The following PCYOX1L variants were observed in gnomAD, a reference collection of about 807,000 sequenced individuals.
PCYOX1L encodes prenylcysteine oxidase 1 like.
A neutral mutation model predicts 44.1 loss-of-function variants in PCYOX1L; 40 were observed. That is an observed-to-expected ratio of 0.91 (90% CI 0.70 to 1.18). The LOEUF (loss-of-function observed/expected upper bound fraction) is 1.18. Ranked by LOEUF, PCYOX1L falls within the 50% of genes most tolerant of loss-of-function variation. The probability of loss-of-function intolerance (pLI) is 0.00; values close to 1 mark genes in which losing one functional copy is unlikely to be tolerated. For missense variants in PCYOX1L, 605 were observed against 653.3 expected (o/e 0.93, Z 0.81); for synonymous variants, 266 against 282.8 (o/e 0.94, Z 0.60).
chr5:149,364,715 G>A (rs1758141871), intron 3 of PCYOX1L: 1 of 154,270 alleles, frequency 6.5e-6, no homozygotes, highest in Non-Finnish European at 1.4e-5. Context: ...CATCTTGTAA[G>A]CCAAATGAAA....
At chr5:149,363,125 A>C in intron 2 of PCYOX1L, 1 of 566,860 alleles carries the variant, frequency 1.8e-6, no homozygotes, top group Admixed American at 2.2e-5. Context: ...CACCTTCCAC[A>C]TGCTAGTGCT....
chr5:149,360,587 C>T (rs751732501), intron 1 of PCYOX1L, among the ~76,000 whole-genome samples: 9 of 152,138 alleles, frequency 5.9e-5, no homozygotes, highest in African/African-American at 9.7e-5. Context: ...GACTACAGTA[C>T]GGCTAAGCAG....
rs1346037404 is a variant in PCYOX1L at position 149,369,553 on chromosome 5, AC to A, written c.*900del. 3.3e-5 allele frequency: 5 copies of A among 152,196 alleles called. No individual in the cohort carries two copies. The highest frequency in any genetic ancestry group is 1.3e-4 in the Admixed American group (2 of 15,286). 9.4% of individuals were successfully genotyped at this position (152,196 alleles called of 1,614,324 possible). A position where few individuals can be genotyped will look rare whatever the true frequency, so the allele number is the denominator to read the frequency against. On this transcript the variant is annotated 3_prime_UTR_variant, in exon 6 of 6. Coordinates refer to ENST00000274569, the MANE Select transcript of PCYOX1L (RefSeq NM_024028.4). ...TTAGCCTGGTACTTTCTCATCAGAC[AC>A]TAGCTTGAAGTAAGAGGAGAATTAT...
intron 1 of PCYOX1L, among the ~76,000 whole-genome samples, chr5:149,358,441 C>T (rs773393154): frequency 5.3e-5 from 8 of 152,208 alleles, no homozygotes; most frequent in Non-Finnish European, 1.0e-4. Flanking sequence ...TGCCATGGTC[C>T]TGGCTGTTGG....
In PCYOX1L at chr5:149,368,219, C is replaced by T; in HGVS notation, c.1050C>T (p.Asp350=). The T allele has an allele frequency of 6.2e-7, 1 of 1,614,158 alleles. No homozygotes were observed. Among genetic ancestry groups the T allele is most frequent in the Non-Finnish European group, 8.5e-7 (1 of 1,180,032 alleles). ...ACTCGTCCTACTTCGGTTTCCCAGA[C>T]CCTAAGCTTTTCCCCTTTGCCAACA... The part of the protein sequence containing the change: ...YLNSSYFGFP[D]PKLFPFANIL... Residue 350 remains aspartate (D), a synonymous_variant, in exon 6 of 6, where the codon GAC becomes GAT. Transcript: ENST00000274569.
In PCYOX1L at chr5:149,364,050, C is replaced by T. The variant is rs142255736; in HGVS notation, c.310C>T (p.Arg104Cys). The change falls in exon 3 of 6, where the codon CGC becomes TGC. Residue 104 changes from arginine to cysteine, a missense_variant. Transcript: ENST00000274569. ...TGTCTCTGCAGGGCTGAGGCACCGGCGCGAGGTGGTGGGCAGGAGCGCCAT... is the reference window on the plus strand; with the variant it reads ...TGTCTCTGCAGGGCTGAGGCACCGGTGCGAGGTGGTGGGCAGGAGCGCCAT... ...FVKLLGLRHR[R>C]EVVGRSAIFG... 6.2e-7 allele frequency: 1 copy of T among 1,613,892 alleles called. No individual in the cohort carries two copies. The highest frequency in any genetic ancestry group is 8.5e-7 in the Non-Finnish European group (1 of 1,179,872).
intron 5 of PCYOX1L, among the ~76,000 whole-genome samples, chr5:149,367,780 G>A (rs982298823): frequency 3.9e-5 from 6 of 152,132 alleles, no homozygotes; most frequent in Non-Finnish European, 8.8e-5. Context: ...ACTGGCCAGC[G>A]GCGGAAGCAG....
rs756755916 is a variant in PCYOX1L at position 149,358,117 on chromosome 5, G to A, written c.49G>A (p.Ala17Thr). Reference protein sequence around the residue: ...LLAALTALLAAAAAGGDAPPG... With the variant: ...LLAALTALLATAAAGGDAPPG... Reference sequence around the variant, plus strand: ...CGCCGCGTTGACCGCGCTCCTCGCCGCCGCCGCTGCTGGCGGAGATGCCCC... The same window carrying A: ...CGCCGCGTTGACCGCGCTCCTCGCCACCGCCGCTGCTGGCGGAGATGCCCC... The change falls in exon 1 of 6, where the codon GCC becomes ACC. Residue 17 changes from alanine (A) to threonine (T), a missense_variant. Transcript: ENST00000274569. The A allele has an allele frequency of 5.6e-5, 81 of 1,454,900 alleles. No individual in the cohort carries two copies. In the Admixed American group the frequency reaches 1.1e-3, roughly 19 times the overall value. 90.1% of individuals were successfully genotyped at this position (1,454,900 alleles called of 1,614,324 possible).
In PCYOX1L at chr5:149,358,173, G is replaced by T. The variant is rs1458703552; in HGVS notation, c.88+17G>T. ...GCAAAATCGGTGCGGGAAGGACGCGGTGGGGTTCCCAGCTGGGGAGGGCCG... is the reference window on the plus strand; with the variant it reads ...GCAAAATCGGTGCGGGAAGGACGCGTTGGGGTTCCCAGCTGGGGAGGGCCG... On this transcript the variant is annotated intron_variant, in intron 1 of 5. Coordinates refer to ENST00000274569, the MANE Select transcript of PCYOX1L (RefSeq NM_024028.4). The T allele has an allele frequency of 1.4e-6, 2 of 1,437,480 alleles. No individual in the cohort carries two copies. The highest frequency in any genetic ancestry group is 1.8e-6 in the Non-Finnish European group (2 of 1,096,198). 89.0% of individuals were successfully genotyped at this position (1,437,480 alleles called of 1,614,324 possible). A position where few individuals can be genotyped will look rare whatever the true frequency, so the allele number is the denominator to read the frequency against.
At chr5:149,358,562 G>A (rs1452830855) in intron 1 of PCYOX1L, among the ~76,000 whole-genome samples, 1 of 152,024 alleles carries the variant, frequency 6.6e-6, no homozygotes, top group Non-Finnish European at 1.5e-5. Context: ...CTGGGGTAGA[G>A]CCCTCACAGT....
chr5:149,368,307 T>G lies in PCYOX1L; in HGVS notation c.1138T>G (p.Ser380Ala), dbSNP rs377305794. ...TLDNICPVNI[S>A]ASFRRKQPQE... is the part of the protein sequence containing the mutation. ...GGACAACATCTGCCCTGTCAACATC[T>G]CTGCCAGCTTCCGGCGAAAGCAGCC... The change falls in exon 6 of 6, where the codon TCT (serine) becomes GCT (alanine). Residue 380 changes from serine to alanine, a missense_variant. Ser to Ala is a moderately conservative substitution (Grantham distance 99, BLOSUM62 1). Transcript: ENST00000274569. 6.2e-7 allele frequency: 1 copy of G among 1,614,148 alleles called. No individual in the cohort carries two copies. Among genetic ancestry groups the G allele is most frequent in the Non-Finnish European group, 8.5e-7 (1 of 1,180,036 alleles).
At chr5:149,363,452 A>G in intron 2 of PCYOX1L, 1 of 238,878 alleles carries the variant, frequency 4.2e-6, no homozygotes, top group Non-Finnish European at 8.3e-6. Flanking sequence ...CTAGCTGCCT[A>G]TCCACTAGGA....
At chr5:149,359,827 G>A (rs1757958041) in intron 1 of PCYOX1L, among the ~76,000 whole-genome samples, 1 of 152,212 alleles carries the variant, frequency 6.6e-6, no homozygotes, top group African/African-American at 2.4e-5. Flanking sequence ...TTCATCCTTG[G>A]TGGTTTGGAC....
chr5:149,368,546 G>A lies in PCYOX1L; in HGVS notation c.1377G>A (p.Met459Ile), dbSNP rs752799717. 1.2e-5 allele frequency: 19 copies of A among 1,602,556 alleles called. No homozygotes were observed. The South Asian group carries it at 1.9e-4, about 16-fold the overall frequency. Residue 459 changes from methionine to isoleucine, a missense_variant, in exon 6 of 6, where the codon ATG (methionine) becomes ATA (isoleucine). Met to Ile is a conservative substitution (Grantham distance 10). Coordinates refer to ENST00000274569, the MANE Select transcript of PCYOX1L (RefSeq NM_024028.4). ...LEWAASSVEVMAVAAKNVALL... is the reference protein window; with the variant it reads ...LEWAASSVEVIAVAAKNVALL... ...GGGCGGCCAGCTCCGTGGAGGTGAT[G>A]GCCGTGGCTGCCAAGAATGTGGCCT...
chr5:149,362,831 G>A lies in PCYOX1L; in HGVS notation c.283G>A (p.Val95Ile), dbSNP rs758572221. Residue 95 changes from valine to isoleucine, a missense_variant, in exon 2 of 6, where the codon GTC becomes ATC. Physicochemically the swap from Val to Ile is conservative, Grantham distance 29 (BLOSUM62 3). Coordinates refer to ENST00000274569, the MANE Select transcript of PCYOX1L (RefSeq NM_024028.4). Reference sequence around the variant, plus strand: ...CCTGAGCCTGCACATGCAGGACTTCGTCAAGCTGCTGGGTGAGTGGTCAGT... The same window carrying A: ...CCTGAGCCTGCACATGCAGGACTTCATCAAGCTGCTGGGTGAGTGGTCAGT... ...HSLSLHMQDF[V>I]KLLGLRHRRE... 17 of 1,613,744 alleles carry A rather than the reference G, an allele frequency of 1.1e-5. No homozygotes were observed. The highest frequency in any genetic ancestry group is 2.7e-5 in the African/African-American group (2 of 74,952).
rs746726487 is a variant in PCYOX1L, at chr5:149,368,133, A to G, written c.964A>G (p.Ile322Val). Reference sequence around the variant, plus strand: ...AACCTTTGCAGGCTTCCACCCGCCCATTGATGACGTGCAGGGCTCTTTCCA... The same window carrying G: ...AACCTTTGCAGGCTTCCACCCGCCCGTTGATGACGTGCAGGGCTCTTTCCA... The part of the protein sequence containing the change: ...NLTFAGFHPP[I>V]DDVQGSFQPT... The change falls in exon 6 of 6, where the codon ATT becomes GTT. Residue 322 changes from isoleucine to valine, a missense_variant. Transcript: ENST00000274569. 1.9e-6 allele frequency: 3 copies of G among 1,613,318 alleles called. No homozygotes were observed. Among genetic ancestry groups the G allele is most frequent in the Non-Finnish European group, 2.5e-6 (3 of 1,179,574 alleles).
In PCYOX1L at chr5:149,369,430, G is replaced by C. The variant is rs148754077; in HGVS notation, c.*776G>C. The C allele has an allele frequency of 6.6e-6, 1 of 152,284 alleles. No homozygotes were observed. Among genetic ancestry groups the C allele is most frequent in the African/African-American group, 2.4e-5 (1 of 41,554 alleles). The allele number at this position is 152,284 out of a possible 1,614,324, so 9.4% of individuals were successfully genotyped here. On this transcript the variant is annotated 3_prime_UTR_variant, in exon 6 of 6. Transcript: ENST00000274569. ...TTGAGGAATGCAACAATATAAAGAA[G>C]AGAAGTCCCCAGATGGTAGAGAGCA... is the stretch of plus-strand genomic sequence containing the variant.
At position 149,367,505 on chromosome 5, in the gene PCYOX1L, G is replaced by A; in HGVS notation, c.823+5G>A. The stretch of plus-strand genomic sequence containing the variant: ...CTGTGACCCTGCACAGCACAGGTGA[G>A]TAGACAGGGCGGGAGTGGGCAGGCA... On this transcript the variant is annotated splice_donor_5th_base_variant and intron_variant, in intron 5 of 5. Transcript: ENST00000274569. 6.2e-7 allele frequency: 1 copy of A among 1,612,212 alleles called. No homozygotes were observed. The highest frequency in any genetic ancestry group is 8.5e-7 in the Non-Finnish European group (1 of 1,179,322).
intron 1 of PCYOX1L, among the ~76,000 whole-genome samples, chr5:149,361,390 T>A (rs1037296269): frequency 4.6e-5 from 7 of 152,144 alleles, no homozygotes; most frequent in African/African-American, 1.7e-4. Flanking sequence ...CTGATTGATG[T>A]CTGTCCAGGC....
Sources: allele counts gnomAD v4.1 joint callset (sites outside exome capture counted in the v4.1 genomes callset), GRCh38; gene constraint gnomAD v4.1.1; transcripts MANE v1.5; gene names NCBI Gene and HGNC (gene_info 2026-07-23, HGNC 2026-07-21).